Variants in CACNA1I observed in about 807,000 individuals in gnomAD.
The protein encoded by CACNA1I is calcium voltage-gated channel subunit alpha1 I, also known as voltage-dependent T-type calcium channel subunit alpha-1I.
Under a neutral mutation model 201.6 loss-of-function variants are expected in CACNA1I, and 74 were observed. That is an observed-to-expected ratio of 0.37 (90% confidence interval 0.30 to 0.45). CACNA1I has a LOEUF of 0.45. CACNA1I is among the 20% of genes least tolerant of loss of function. The pLI is 1.00. For missense variants in CACNA1I, 2,346 were observed against 3,138.1 expected, an observed-to-expected ratio of 0.75 and a Z score of 6.03; for synonymous variants, 1,431 against 1,345.2, an observed-to-expected ratio of 1.06 and a Z score of -1.40.
intron 4 of CACNA1I, among the ~76,000 whole-genome samples, chr22:39,623,484 G>C (rs1355100842): frequency 6.6e-6 from 1 of 151,668 alleles, no homozygotes; most frequent in Non-Finnish European, 1.5e-5. Flanking sequence ...TGCTGTGTCT[G>C]CCTGGGAGGG....
intron 10 of CACNA1I, among the ~76,000 whole-genome samples, chr22:39,651,650 G>T (rs1236712267): frequency 6.6e-6 from 1 of 152,184 alleles, no homozygotes; most frequent in Non-Finnish European, 1.5e-5. Flanking sequence ...GCATCGAGGG[G>T]GCCTGCACAG....
chr22:39,664,987 G>A (rs1177821781), intron 21 of CACNA1I, 64 bp downstream of exon 21: 1 of 1,500,304 alleles, frequency 6.7e-7, no homozygotes, highest in Non-Finnish European at 9.1e-7. Context: ...GCCACGGGTC[G>A]AATTGGGCCC....
chr22:39,619,874 C>T (rs1184859914), intron 4 of CACNA1I, among the ~76,000 whole-genome samples: 2 of 152,124 alleles, frequency 1.3e-5, no homozygotes, highest in South Asian at 2.1e-4. Context: ...GATCGATGTA[C>T]CTACTCACCC....
chr22:39,664,608 C>G (rs531878931), intron 20 of CACNA1I, 131 bp from the exon 21 acceptor site: 1 of 534,962 alleles, frequency 1.9e-6, no homozygotes, highest in African/African-American at 1.9e-5. Flanking sequence ...GGCCCCGCCA[C>G]TTGCAGGACC....
chr22:39,630,445 C>T (rs761300850), intron 4 of CACNA1I, among the ~76,000 whole-genome samples: 3 of 152,224 alleles, frequency 2.0e-5, no homozygotes, highest in Non-Finnish European at 2.9e-5. Context: ...GCACAGTGCC[C>T]GGCACGGAGC....
chr22:39,571,052 A>C, intron 1 of CACNA1I, 64 bp downstream of exon 1: 1 of 1,359,212 alleles, frequency 7.4e-7, no homozygotes. Flanking sequence ...GGCTGGATTG[A>C]GTCCTGCTGC....
chr22:39,685,622 C>A lies in CACNA1I; in HGVS notation c.6028-139C>A. On this transcript the variant is annotated intron_variant, in intron 36 of 36. Coordinates refer to ENST00000402142, the MANE Select transcript of CACNA1I (RefSeq NM_021096.4). The surrounding 1 kb of genome is among the most constrained non-coding windows in gnomAD (Gnocchi z 5.0). The stretch of plus-strand genomic sequence containing the variant: ...GGTGACGCCGCCTAAGCTGGACGTG[C>A]GGAGGGGAGAAGCCCTGCTCCGAAG... 1.5e-6 allele frequency: 1 copy of A among 689,124 alleles called. No homozygotes were observed. Among genetic ancestry groups the A allele is most frequent in the South Asian group, 2.4e-5 (1 of 41,884 alleles). The allele number at this position is 689,124 out of a possible 1,614,324, so 42.7% of individuals were successfully genotyped here.
chr22:39,670,780 C>T (rs1569094124), intron 25 of CACNA1I, 23 bp from the exon 26 acceptor site: 4 of 1,613,488 alleles, frequency 2.5e-6, no homozygotes, highest in Non-Finnish European at 3.4e-6. Context: ...TGGTCTTTGC[C>T]ACTCCCCCTG....
At chr22:39,611,301 T>C (rs1006745375) in intron 3 of CACNA1I, among the ~76,000 whole-genome samples, 1 of 152,212 alleles carries the variant, frequency 6.6e-6, no homozygotes, top group African/African-American at 2.4e-5. Flanking sequence ...GAGAGATTGG[T>C]AGCCTGCCTC....
chr22:39,627,908 T>C (rs2146404220), intron 4 of CACNA1I, among the ~76,000 whole-genome samples: 1 of 148,326 alleles, frequency 6.7e-6, no homozygotes, highest in Non-Finnish European at 1.5e-5. Flanking sequence ...GGGGGGCCAG[T>C]TTCCCCAGGG....
chr22:39,641,660 G>A (rs1934354007), intron 6 of CACNA1I, among the ~76,000 whole-genome samples: 1 of 152,214 alleles, frequency 6.6e-6, no homozygotes. Flanking sequence ...AAAGAAATGT[G>A]TCTCGCCTTG....
chr22:39,659,426 TC>T lies in CACNA1I; in HGVS notation c.2331-3del, dbSNP rs1394357602. ...AGTCCGATGAGCCTCTTCCATCCTT[TC>T]CCCAGCATCCTTGGGATGCATATTT... On this transcript the variant is annotated splice_polypyrimidine_tract_variant and splice_region_variant and intron_variant, in intron 12 of 36. Transcript: ENST00000402142. This position sits in a 1 kb window ranked among gnomAD's most constrained non-coding sequence, Gnocchi z 4.3. 6.5e-7 allele frequency: 1 copy of T among 1,533,160 alleles called. No individual in the cohort carries two copies. Among genetic ancestry groups the T allele is most frequent in the Non-Finnish European group, 8.9e-7 (1 of 1,128,786 alleles). 95.0% of individuals were successfully genotyped at this position (1,533,160 alleles called of 1,614,324 possible).
intron 1 of CACNA1I, among the ~76,000 whole-genome samples, chr22:39,581,497 A>G (rs763735788): frequency 6.6e-6 from 1 of 152,074 alleles, no homozygotes; most frequent in Non-Finnish European, 1.5e-5. Flanking sequence ...CACCCGTTTG[A>G]CAGAGAGGCG....
intron 1 of CACNA1I, among the ~76,000 whole-genome samples, chr22:39,583,031 A>ACCATCCATCCATCCATCCATCCATCCAT (rs59155285): frequency 8.6e-6 from 1 of 116,546 alleles, no homozygotes; most frequent in East Asian, 2.7e-4. Flanking sequence ...CAAGCACCCA[A>ACCATCCATCCATCCATCCATCCATCCAT]CCATCCATCC....
chr22:39,606,492 C>T (rs1231176814), intron 3 of CACNA1I, among the ~76,000 whole-genome samples: 6 of 152,136 alleles, frequency 3.9e-5, no homozygotes, highest in East Asian at 3.9e-4. Flanking sequence ...ACAAAGACCC[C>T]GTCATCATCT....
chr22:39,620,037 A>ATCCATCCATCCT, intron 4 of CACNA1I, among the ~76,000 whole-genome samples: 1 of 141,342 alleles, frequency 7.1e-6, no homozygotes, highest in African/African-American at 2.7e-5. Context: ...CCATCCATCC[A>ATCCATCCATCCT]TCCATCCATC....
chr22:39,677,240 A>G lies in CACNA1I; in HGVS notation c.4855-101A>G. The G allele has an allele frequency of 1.3e-6, 1 of 743,090 alleles. No individual in the cohort carries two copies. Among genetic ancestry groups the G allele is most frequent in the Non-Finnish European group, 2.3e-6 (1 of 439,490 alleles). 46.0% of individuals were successfully genotyped at this position (743,090 alleles called of 1,614,324 possible). ...GGGAATGTTACAGCTGCTCTGACCC[A>G]CAGGCTGCCCAACCCCACTGCCCCA... is the stretch of plus-strand genomic sequence containing the variant. On this transcript the variant is annotated intron_variant, in intron 29 of 36. Transcript: ENST00000402142. This position sits in a 1 kb window ranked among gnomAD's most constrained non-coding sequence, Gnocchi z 4.8.
chr22:39,597,611 T>C (rs1307416048), intron 1 of CACNA1I, among the ~76,000 whole-genome samples: 5 of 152,162 alleles, frequency 3.3e-5, no homozygotes, highest in Non-Finnish European at 5.9e-5. Context: ...GTTTTGGAGT[T>C]AGGTGATGAG....
At chr22:39,602,171 A>G (rs1933087554) in intron 3 of CACNA1I, among the ~76,000 whole-genome samples, 1 of 144,708 alleles carries the variant, frequency 6.9e-6, no homozygotes, top group Non-Finnish European at 1.5e-5. Context: ...TCCTAGGCTC[A>G]AAGGATCCTC....
Sources: gnomAD v4.1 joint callset for allele counts (sites outside exome capture counted in the v4.1 genomes callset) on GRCh38, gnomAD v4.1.1 for gene constraint, Gnocchi (gnomAD v3.1) non-coding constraint, MANE v1.5 for transcripts, NCBI Gene and HGNC (gene_info 2026-07-23, HGNC 2026-07-21) for gene names.